The following GABRA3 variants were observed in gnomAD, a reference collection of about 807,000 sequenced individuals.
GABRA3 encodes the protein gamma-aminobutyric acid type A receptor subunit alpha3, also known as gamma-aminobutyric acid receptor subunit alpha-3.
In GABRA3, 10 loss-of-function variants were observed where a neutral mutation model predicts 30.1. The observed-to-expected ratio is 0.33, with a 90% CI of 0.20 to 0.56. The LOEUF is 0.56. Ranked by LOEUF, GABRA3 falls within the 20% of genes least tolerant of loss-of-function variation. The probability of loss-of-function intolerance (pLI) is 0.89; values close to 1 mark genes in which losing one functional copy is unlikely to be tolerated. For synonymous variants in GABRA3, 151 were observed against 146.8 expected (o/e 1.03, Z -0.21); for missense variants, 233 against 392.0 (o/e 0.59, Z 3.42).
chrX:152,373,939 A>T (rs1603250094), intron 1 of GABRA3, among the ~76,000 whole-genome samples: 1 of 110,846 alleles, frequency 9.0e-6, no homozygotes, highest in Admixed American at 9.6e-5. Context: ...TATCCATGTC[A>T]CTACAAAGGA....
chrX:152,298,986 C>T (rs1939583924), intron 3 of GABRA3, among the ~76,000 whole-genome samples: 2 of 111,647 alleles, frequency 1.8e-5, no homozygotes, highest in African/African-American at 3.3e-5. Context: ...TTTCCAAGGA[C>T]ATAATAGATT....
chrX:152,398,432 C>A (rs1929715737), intron 1 of GABRA3, among the ~76,000 whole-genome samples: 1 of 111,211 alleles, frequency 9.0e-6, no homozygotes, highest in South Asian at 3.8e-4. Flanking sequence ...CCCTTCCCAG[C>A]CTTTGGCTGT....
intron 2 of GABRA3, among the ~76,000 whole-genome samples, chrX:152,358,457 T>A (rs1341722003): frequency 9.0e-6 from 1 of 111,494 alleles, no homozygotes; most frequent in Non-Finnish European, 1.9e-5. Flanking sequence ...GGGCAGAGAC[T>A]TTTCTGGGTA....
chrX:152,450,662 T>C (rs191244475), intron 1 of GABRA3, among the ~76,000 whole-genome samples: 2 of 110,655 alleles, frequency 1.8e-5, no homozygotes, highest in Admixed American at 1.9e-4. Flanking sequence ...CCTTCTTTCT[T>C]ATTTCCAGCA....
chrX:152,171,644 T>C (rs906179767), intron 9 of GABRA3, among the ~76,000 whole-genome samples: 4 of 111,633 alleles, frequency 3.6e-5, no homozygotes, highest in African/African-American at 1.3e-4. Flanking sequence ...GGATGTTTAC[T>C]GAATGAAAAA....
intron 1 of GABRA3, among the ~76,000 whole-genome samples, chrX:152,436,928 A>G (rs974021742): frequency 5.5e-4 from 61 of 111,434 alleles, no homozygotes; most frequent in Non-Finnish European, 1.0e-3. Context: ...TCCAAAACAC[A>G]TATCTTCTAA....
intron 4 of GABRA3, among the ~76,000 whole-genome samples, chrX:152,267,530 A>C (rs1295824579): frequency 1.8e-5 from 2 of 110,754 alleles, no homozygotes; most frequent in African/African-American, 6.6e-5. Context: ...TTGTGGAATG[A>C]GTTTGGACAT....
chrX:152,407,705 T>C (rs1929970470), intron 1 of GABRA3, among the ~76,000 whole-genome samples: 1 of 111,663 alleles, frequency 9.0e-6, no homozygotes, highest in Non-Finnish European at 1.9e-5. Flanking sequence ...GCAGAGGGAA[T>C]ACTTCCAAAC....
chrX:152,365,855 G>C (rs894077833), intron 1 of GABRA3, among the ~76,000 whole-genome samples: 1 of 111,547 alleles, frequency 9.0e-6, no homozygotes, highest in Non-Finnish European at 1.9e-5. Flanking sequence ...TACAACAATG[G>C]AGAAGACAGA....
At chrX:152,275,277 T>A (rs369410986) in intron 4 of GABRA3, among the ~76,000 whole-genome samples, 1 of 68,218 alleles carries the variant, frequency 1.5e-5, no homozygotes, top group African/African-American at 6.5e-5. Flanking sequence ...ATTATATATA[T>A]AAATTATATA....
chrX:152,249,848 T>C (rs1159440043), intron 5 of GABRA3, among the ~76,000 whole-genome samples: 1 of 110,992 alleles, frequency 9.0e-6, no homozygotes, highest in Non-Finnish European at 1.9e-5. Context: ...ACAGATCTTT[T>C]AGGTCTCAGA....
rs1362655601 is a variant in GABRA3 at position 152,189,954 on chromosome X, A to G, written c.932-13T>C. On this transcript the variant is annotated splice_polypyrimidine_tract_variant and intron_variant, in intron 8 of 9. Transcript: ENST00000370314. ...ACAGTGGTGACACCTGAGGAGAGGA[A>G]AGATGAGAACCAGTTGCAACTGGAA... 1 of 1,140,334 alleles carries G rather than the reference A, an allele frequency of 8.8e-7. No homozygotes were observed. Among genetic ancestry groups the G allele is most frequent in the South Asian group, 1.9e-5 (1 of 52,232 alleles). The allele number at this position is 1,140,334 out of a possible 1,213,427, so 94.0% of individuals were successfully genotyped here.
intron 1 of GABRA3, among the ~76,000 whole-genome samples, chrX:152,395,844 A>C (rs767395346): frequency 1.8e-5 from 2 of 112,323 alleles, no homozygotes; most frequent in Non-Finnish European, 3.8e-5. Flanking sequence ...TCAATCACAG[A>C]TCAATCTCAA....
chrX:152,422,852 A>T (rs1448412778), intron 1 of GABRA3, among the ~76,000 whole-genome samples: 1 of 101,928 alleles, frequency 9.8e-6, no homozygotes, highest in East Asian at 3.1e-4. Flanking sequence ...AACTCGCTAG[A>T]AGAGTAGATT....
At chrX:152,176,722 G>A (rs768969759) in intron 9 of GABRA3, among the ~76,000 whole-genome samples, 53 of 111,405 alleles carry the variant, frequency 4.8e-4, no homozygotes, top group Non-Finnish European at 9.0e-4. Flanking sequence ...AATCCCAATA[G>A]AGATGTACAC....
Position 152,425,947 on chromosome X carries a change from T to TA in GABRA3, c.-27+25198_-27+25199insT, listed in dbSNP as rs1930506066. ...AAATAGTATCTTTTTAGAAATCCCA[T>TA]CTCCTTTGCTTTCCACGAACACAGA... On this transcript the variant is annotated intron_variant, in intron 1 of 9. Transcript: ENST00000370314. Among the ~76,000 whole-genome samples the TA allele has an allele frequency of 2.7e-5, 3 of 111,404 alleles. No homozygotes were observed. In the Admixed American group the frequency reaches 2.9e-4, roughly 11 times the overall value.
chrX:152,428,287 T>A (rs1013129201), intron 1 of GABRA3, among the ~76,000 whole-genome samples: 2 of 111,936 alleles, frequency 1.8e-5, no homozygotes, highest in Admixed American at 9.5e-5. Flanking sequence ...CTGCAGACAG[T>A]GATTCAGAGC....
chrX:152,437,950 G>GT (rs1365819910), intron 1 of GABRA3, among the ~76,000 whole-genome samples: 17 of 112,107 alleles, frequency 1.5e-4, no homozygotes, highest in Non-Finnish European at 3.2e-4. Context: ...ATCCATGAAA[G>GT]TAAAAACTGA....
chrX:152,368,665 T>A (rs1172131040), intron 1 of GABRA3, among the ~76,000 whole-genome samples: 2 of 109,592 alleles, frequency 1.8e-5, no homozygotes, highest in Non-Finnish European at 3.8e-5. Flanking sequence ...AGTAGTGAGA[T>A]TGCTGAATCA....
Sources: allele counts gnomAD v4.1 joint callset (sites outside exome capture counted in the v4.1 genomes callset), GRCh38; gene constraint gnomAD v4.1.1; transcripts MANE v1.5; gene names NCBI Gene and HGNC (gene_info 2026-07-23, HGNC 2026-07-21).